The following ATRNL1 variants were observed in gnomAD, a reference collection of about 807,000 sequenced individuals.
ATRNL1 encodes attractin like 1.
A neutral mutation model predicts 182.7 loss-of-function variants in ATRNL1; 95 were observed. The observed-to-expected ratio is 0.52, with a 90% CI of 0.44 to 0.62. The LOEUF (loss-of-function observed/expected upper bound fraction) is 0.62, where lower values mean the gene tolerates loss of function less well. Ranked by LOEUF, ATRNL1 falls within the 20% of genes least tolerant of loss-of-function variation. ATRNL1 has a pLI of 0.00. For missense variants in ATRNL1, 1,471 were observed against 1,679.5 expected, an observed-to-expected ratio of 0.88 and a Z score of 2.17; for synonymous variants, 576 against 568.3, an observed-to-expected ratio of 1.01 and a Z score of -0.19.
chr10:115,316,981 T>C (rs556167237), intron 18 of ATRNL1, among the ~76,000 whole-genome samples: 2 of 152,236 alleles, frequency 1.3e-5, no homozygotes, highest in Non-Finnish European at 2.9e-5. Flanking sequence ...CATTATGAAG[T>C]CTTTGCCCAT....
chr10:115,665,620 G>A (rs1860954268), intron 26 of ATRNL1, among the ~76,000 whole-genome samples: 1 of 152,058 alleles, frequency 6.6e-6, no homozygotes, highest in African/African-American at 2.4e-5. Flanking sequence ...GTTGCTATCT[G>A]GAAATTCTCT....
chr10:115,641,245 G>A (rs1008211628), intron 26 of ATRNL1, among the ~76,000 whole-genome samples: 1 of 152,060 alleles, frequency 6.6e-6, no homozygotes, highest in African/African-American at 2.4e-5. Flanking sequence ...AAAATTCTTT[G>A]CCTATGGAAT....
chr10:115,393,302 A>G (rs529922344), intron 19 of ATRNL1, among the ~76,000 whole-genome samples: 20 of 152,182 alleles, frequency 1.3e-4, no homozygotes, highest in African/African-American at 4.8e-4. Context: ...TACAGTATCT[A>G]TTTTCTTTCA....
At chr10:115,590,429 C>A (rs570513137) in intron 26 of ATRNL1, among the ~76,000 whole-genome samples, 1 of 152,024 alleles carries the variant, frequency 6.6e-6, no homozygotes, top group Non-Finnish European at 1.5e-5. Context: ...TTAATATTTT[C>A]TGCTTGTGCT....
chr10:115,328,484 T>TA (rs1564919730), intron 18 of ATRNL1, among the ~76,000 whole-genome samples: 1 of 152,194 alleles, frequency 6.6e-6, no homozygotes, highest in Non-Finnish European at 1.5e-5. Context: ...TTGTTAGCTA[T>TA]AATCACCTTA....
chr10:115,517,961 T>A (rs958390361), intron 24 of ATRNL1, among the ~76,000 whole-genome samples: 1 of 151,924 alleles, frequency 6.6e-6, no homozygotes, highest in African/African-American at 2.4e-5. Flanking sequence ...ATTATCTTTC[T>A]TCAGCCTTTG....
Position 115,789,967 on chromosome 10 carries a change from T to C in ATRNL1, c.3904-57910T>C, listed in dbSNP as rs562639273. 3.9e-5 allele frequency among the ~76,000 whole-genome samples: 6 copies of C among 152,310 alleles called. No individual in the cohort carries two copies. The South Asian group carries it at 1.0e-3, about 26-fold the overall frequency. ...ATAGTGAAGAAGAAGATTAAAGGCA[T>C]TAATTATAGAAGAGACAAAGAATAA... is the stretch of plus-strand genomic sequence containing the variant. On this transcript the variant is annotated intron_variant, in intron 27 of 28. Transcript: ENST00000355044.
chr10:115,303,270 G>A (rs1853574257), intron 17 of ATRNL1, among the ~76,000 whole-genome samples: 1 of 145,430 alleles, frequency 6.9e-6, no homozygotes, highest in Admixed American at 7.0e-5. Context: ...TGTGGCCCAG[G>A]CTGGAGTGCA....
chr10:115,241,724 A>C lies in ATRNL1; in HGVS notation c.1686A>C (p.Ile562=). ...CTGCCGATTTCCTGGCATATGACAT[A>C]GGTATGTATCTGTTAGGATTGTACA... The part of the protein sequence containing the change: ...CFSADFLAYD[I]ACDEWKILPK... Residue 562 remains isoleucine, a splice_region_variant and synonymous_variant, in exon 10 of 29, where the codon ATA becomes ATC. Transcript: ENST00000355044. 2.5e-6 allele frequency: 4 copies of C among 1,608,150 alleles called. No individual in the cohort carries two copies. Among genetic ancestry groups the C allele is most frequent in the Non-Finnish European group, 3.4e-6 (4 of 1,175,894 alleles).
At chr10:115,410,709 T>G (rs2134337912) in intron 20 of ATRNL1, among the ~76,000 whole-genome samples, 1 of 152,256 alleles carries the variant, frequency 6.6e-6, no homozygotes, top group African/African-American at 2.4e-5. Context: ...TTTTACCTTT[T>G]ATATCTTTAT....
chr10:115,613,916 C>G (rs1460423602), intron 26 of ATRNL1, among the ~76,000 whole-genome samples: 1 of 151,556 alleles, frequency 6.6e-6, no homozygotes, highest in Non-Finnish European at 1.5e-5. Context: ...CTGTTTTTTT[C>G]TTACTCTAAC....
At position 115,241,734 on chromosome 10, in the gene ATRNL1, C is replaced by G; in HGVS notation, c.1687+9C>G. 6.2e-7 allele frequency: 1 copy of G among 1,601,898 alleles called. No individual in the cohort carries two copies. Among genetic ancestry groups the G allele is most frequent in the Non-Finnish European group, 8.5e-7 (1 of 1,172,092 alleles). ...CCTGGCATATGACATAGGTATGTAT[C>G]TGTTAGGATTGTACAAAGTAGGAAA... is the stretch of plus-strand genomic sequence containing the variant. On this transcript the variant is annotated intron_variant, in intron 10 of 28. Transcript: ENST00000355044.
intron 5 of ATRNL1, among the ~76,000 whole-genome samples, chr10:115,142,028 G>C (rs1845772263): frequency 6.6e-6 from 1 of 151,980 alleles, no homozygotes; most frequent in South Asian, 2.1e-4. Flanking sequence ...AGGTCCTTGG[G>C]ATACATCATG....
intron 20 of ATRNL1, 71 bp downstream of exon 20, chr10:115,394,823 C>A: frequency 8.3e-7 from 1 of 1,211,838 alleles, no homozygotes; most frequent in Non-Finnish European, 1.2e-6. Flanking sequence ...TTATGTTTTA[C>A]TTTTTAATTT....
chr10:115,408,032 T>A, intron 20 of ATRNL1, among the ~76,000 whole-genome samples: 1 of 140,640 alleles, frequency 7.1e-6, no homozygotes, highest in Non-Finnish European at 1.5e-5. Context: ...AGTCTCGCTC[T>A]GTCGCCCAGG....
intron 21 of ATRNL1, among the ~76,000 whole-genome samples, chr10:115,455,663 C>T (rs1227283334): frequency 6.6e-6 from 1 of 152,090 alleles, no homozygotes; most frequent in Admixed American, 6.6e-5. Context: ...AGAGCTTCTG[C>T]ACAGCAAAAG....
At chr10:115,853,593 G>C (rs1043647366) in intron 28 of ATRNL1, among the ~76,000 whole-genome samples, 1 of 152,108 alleles carries the variant, frequency 6.6e-6, no homozygotes, top group Non-Finnish European at 1.5e-5. Flanking sequence ...CTTCACACTT[G>C]TAGAAACACA....
chr10:115,787,171 T>C (rs1555080590), intron 27 of ATRNL1, among the ~76,000 whole-genome samples: 1 of 152,216 alleles, frequency 6.6e-6, no homozygotes, highest in East Asian at 1.9e-4. Flanking sequence ...TGTAAGCTGC[T>C]AGTGATTTGG....
At chr10:115,614,279 TC>T (rs1428675894) in intron 26 of ATRNL1, among the ~76,000 whole-genome samples, 2 of 152,112 alleles carry the variant, frequency 1.3e-5, no homozygotes, top group African/African-American at 4.8e-5. Flanking sequence ...CCATGACCCA[TC>T]AGTCTTTCTG....
Sources: allele counts gnomAD v4.1 joint callset (sites outside exome capture counted in the v4.1 genomes callset), GRCh38; gene constraint gnomAD v4.1.1; transcripts MANE v1.5; gene names NCBI Gene and HGNC (gene_info 2026-07-23, HGNC 2026-07-21).